Variants in LEKR1 observed in about 807,000 individuals in gnomAD.
LEKR1 encodes leucine, glutamate and lysine rich 1.
Under a neutral mutation model 72.4 loss-of-function variants are expected in LEKR1, and 59 were observed. The observed-to-expected ratio is 0.82, with a 90% CI of 0.66 to 1.01. LEKR1 has a LOEUF of 1.01. LEKR1 is among the 50% of genes least tolerant of loss of function. The probability of loss-of-function intolerance (pLI) is 0.00; values close to 1 mark genes in which losing one functional copy is unlikely to be tolerated. For missense variants in LEKR1, 728 were observed against 759.2 expected (o/e 0.96, Z 0.48); for synonymous variants, 257 against 263.2 (o/e 0.98, Z 0.23).
intron 3 of LEKR1, among the ~76,000 whole-genome samples, chr3:156,887,227 G>C (rs1720199432): frequency 6.6e-6 from 1 of 151,404 alleles, no homozygotes; most frequent in South Asian, 2.1e-4. Context: ...GTTGATATCT[G>C]AGTTTCTGGT....
rs540540477 is a variant in LEKR1 at position 156,994,733 on chromosome 3, A to G, written c.1109+1456A>G. On this transcript the variant is annotated intron_variant, in intron 9 of 12. Coordinates refer to ENST00000356539, the MANE Select transcript of LEKR1 (RefSeq NM_001004316.3). ...GTATTCTATACAAAAGACACACATC[A>G]TACATCTTTGAAAAGACACCATGGA... Among the ~76,000 whole-genome samples the G allele has an allele frequency of 3.3e-5, 5 of 152,356 alleles. No homozygotes were observed. The East Asian group carries it at 9.6e-4, about 29-fold the overall frequency.
At chr3:156,902,993 C>T (rs1722182162) in intron 3 of LEKR1, among the ~76,000 whole-genome samples, 1 of 151,902 alleles carries the variant, frequency 6.6e-6, no homozygotes, top group African/African-American at 2.4e-5. Flanking sequence ...AATTTTCTTA[C>T]TGAACCATTT....
chr3:156,833,756 A>C (rs1052853180), intron 2 of LEKR1, among the ~76,000 whole-genome samples: 2 of 152,178 alleles, frequency 1.3e-5, no homozygotes, highest in South Asian at 2.1e-4. Context: ...TCAAATATCA[A>C]AGGTTTAGAA....
rs528972173 is a variant in LEKR1, at chr3:156,901,935, T to G, written c.264-18640T>G. Among the ~76,000 whole-genome samples the G allele has an allele frequency of 4.6e-5, 7 of 152,298 alleles. No homozygotes were observed. In the South Asian group the frequency reaches 1.5e-3, roughly 32 times the overall value. ...TCCTGACCTTGTGATCCAAACGCCT[T>G]GGCCTCCCAAAGTGCTAGGATTACA... is the stretch of plus-strand genomic sequence containing the variant. On this transcript the variant is annotated intron_variant, in intron 3 of 12. Coordinates refer to ENST00000356539, the MANE Select transcript of LEKR1 (RefSeq NM_001004316.3).
chr3:156,944,150 A>AGATATG (rs1726474445), intron 6 of LEKR1, among the ~76,000 whole-genome samples: 4 of 151,682 alleles, frequency 2.6e-5, no homozygotes, highest in African/African-American at 9.7e-5. Context: ...AAGTAGTCCC[A>AGATATG]TTCCTAGATA....
intron 6 of LEKR1, among the ~76,000 whole-genome samples, chr3:156,950,986 G>A (rs1727104712): frequency 6.6e-6 from 1 of 151,648 alleles, no homozygotes. Flanking sequence ...CATTCAATAT[G>A]ATGTTGGTTT....
intron 2 of LEKR1, 143 bp downstream of exon 2, chr3:156,829,520 A>G (rs141359639): frequency 1.8e-6 from 1 of 557,392 alleles, no homozygotes; most frequent in Non-Finnish European, 3.1e-6. Flanking sequence ...AATTATTATC[A>G]TAATGAGCAG....
chr3:157,044,931 C>G (rs1735643280), intron 12 of LEKR1, among the ~76,000 whole-genome samples: 1 of 152,168 alleles, frequency 6.6e-6, no homozygotes, highest in Non-Finnish European at 1.5e-5. Flanking sequence ...TATTTAATGA[C>G]TCTACAGCTA....
chr3:156,920,727 G>A, intron 4 of LEKR1, 33 bp downstream of exon 4: 4 of 1,155,798 alleles, frequency 3.5e-6, no homozygotes, highest in Non-Finnish European at 4.8e-6. Context: ...TATAAAGATT[G>A]AAAAGATATG....
In LEKR1 at chr3:156,870,463, T is replaced by A. The variant is rs187057058; in HGVS notation, c.263+17481T>A. On this transcript the variant is annotated intron_variant, in intron 3 of 12. Transcript: ENST00000356539. ...TTTTTTGGAGCTATTGTAAACAGAA[T>A]TGGCTTCTTGATTTCTTTTTCAGCT... is the stretch of plus-strand genomic sequence containing the variant. Among the ~76,000 whole-genome samples the A allele has an allele frequency of 4.7e-3, 721 of 152,224 alleles. 2 individuals carry two copies. Among genetic ancestry groups the A allele is most frequent in the Non-Finnish European group, 7.9e-3 (538 of 67,990 alleles).
At chr3:156,874,055 G>A (rs541185314) in intron 3 of LEKR1, among the ~76,000 whole-genome samples, 4 of 152,190 alleles carry the variant, frequency 2.6e-5, no homozygotes, top group Non-Finnish European at 5.9e-5. Context: ...CTAGACTTGG[G>A]AAGTGTTCAT....
At chr3:156,827,025 A>G (rs537624407) in intron 1 of LEKR1, 2 of 154,146 alleles carry the variant, frequency 1.3e-5, no homozygotes, top group South Asian at 4.1e-4. Flanking sequence ...GCCACTTATC[A>G]CTGCACCTCT....
chr3:156,873,353 G>GC (rs1553790671), intron 3 of LEKR1, among the ~76,000 whole-genome samples: 1 of 151,732 alleles, frequency 6.6e-6, no homozygotes, highest in African/African-American at 2.4e-5. Flanking sequence ...ATTGTGTCAT[G>GC]TTTTTTTAAT....
chr3:156,900,746 C>T (rs766069171), intron 3 of LEKR1, among the ~76,000 whole-genome samples: 2 of 152,092 alleles, frequency 1.3e-5, no homozygotes, highest in Non-Finnish European at 2.9e-5. Flanking sequence ...TGATCACTTA[C>T]AGTTGAAGAG....
chr3:156,910,373 G>A (rs888418082), intron 3 of LEKR1, among the ~76,000 whole-genome samples: 6 of 152,164 alleles, frequency 3.9e-5, no homozygotes, highest in Non-Finnish European at 5.9e-5. Context: ...GAGAACATGT[G>A]GTATTTGATT....
At chr3:157,013,176 C>T (rs1053808071) in intron 10 of LEKR1, among the ~76,000 whole-genome samples, 3 of 152,098 alleles carry the variant, frequency 2.0e-5, no homozygotes, top group South Asian at 2.1e-4. Flanking sequence ...ACGTGGATAG[C>T]GATTCAGAGA....
Position 156,993,114 on chromosome 3 carries a change from A to T in LEKR1, c.946A>T (p.Thr316Ser). 1 of 1,608,438 alleles carries T rather than the reference A, an allele frequency of 6.2e-7. No homozygotes were observed. The highest frequency in any genetic ancestry group is 1.3e-5 in the African/African-American group (1 of 74,482). Residue 316 changes from threonine to serine, a missense_variant, in exon 9 of 13, where the codon ACT becomes TCT. Coordinates refer to ENST00000356539, the MANE Select transcript of LEKR1 (RefSeq NM_001004316.3). ...LLKEKEDSLM[T>S]CQQIYKALQE... ...TAAGGAAAAAGAAGACTCTTTAATG[A>T]CTTGTCAACAGATATATAAAGCATT...
chr3:156,985,352 C>A (rs962942809), intron 7 of LEKR1, among the ~76,000 whole-genome samples: 1 of 152,070 alleles, frequency 6.6e-6, no homozygotes, highest in East Asian at 1.9e-4. Flanking sequence ...AAGGAGCTAG[C>A]CATGATTACA....
intron 9 of LEKR1, among the ~76,000 whole-genome samples, chr3:156,996,870 G>A (rs1289552274): frequency 6.6e-6 from 1 of 152,076 alleles, no homozygotes; most frequent in Admixed American, 6.5e-5. Flanking sequence ...TTCGCGAACA[G>A]CCTGGCCAAC....
Sources: gnomAD v4.1 joint callset for allele counts (sites outside exome capture counted in the v4.1 genomes callset) on GRCh38, gnomAD v4.1.1 for gene constraint, MANE v1.5 for transcripts, NCBI Gene and HGNC (gene_info 2026-07-23, HGNC 2026-07-21) for gene names.